Variants in ATP5F1A observed in about 807,000 individuals in gnomAD.
ATP5F1A encodes ATP synthase F(1) complex subunit alpha, mitochondrial.
Under a neutral mutation model 57.4 loss-of-function variants are expected in ATP5F1A, and 24 were observed. The observed-to-expected ratio is 0.42, with a 90% CI of 0.30 to 0.59. ATP5F1A has a LOEUF of 0.59. ATP5F1A is among the 20% of genes least tolerant of loss of function. The pLI, the probability that ATP5F1A is intolerant of heterozygous loss-of-function variation, is 0.19. For missense variants in ATP5F1A, 494 were observed against 707.9 expected (o/e 0.70, Z 3.43); for synonymous variants, 251 against 255.5 (o/e 0.98, Z 0.17).
At chr18:46,094,918 G>A in intron 2 of ATP5F1A, 135 bp downstream of exon 2, 1 of 1,269,366 alleles carries the variant, frequency 7.9e-7, no homozygotes, top group Non-Finnish European at 1.0e-6. Flanking sequence ...TAACAATATG[G>A]TTTAAGAACC....
At chr18:46,097,313 CAA>C (rs920316665) in intron 1 of ATP5F1A, among the ~76,000 whole-genome samples, 1 of 150,758 alleles carries the variant, frequency 6.6e-6, no homozygotes, top group Non-Finnish European at 1.5e-5. Context: ...ACTTTTAGAA[CAA>C]AAAAAAAGTG....
At chr18:46,095,190 A>G (rs1599787986) in intron 1 of ATP5F1A, 59 bp from the exon 2 acceptor site, 3 of 1,522,214 alleles carry the variant, frequency 2.0e-6, no homozygotes, top group Admixed American at 1.8e-5. Flanking sequence ...AAAACTTACA[A>G]GCTTAAACAA....
chr18:46,094,967 A>T, intron 2 of ATP5F1A, 86 bp downstream of exon 2: 1 of 1,431,102 alleles, frequency 7.0e-7, no homozygotes, highest in Non-Finnish European at 9.2e-7. Flanking sequence ...CTAACAAATG[A>T]AAAACAACTC....
intron 8 of ATP5F1A, 95 bp from the exon 9 acceptor site, chr18:46,086,589 A>C: frequency 8.4e-7 from 1 of 1,196,442 alleles, no homozygotes; most frequent in Non-Finnish European, 1.2e-6. Context: ...TGAAACTCAA[A>C]ACCTAACAAT....
In ATP5F1A at chr18:46,084,620, G is replaced by C. The variant is rs756369878; in HGVS notation, c.1464C>G (p.Ile488Met). ...CAAGATATCCCCTTACACCCGCATA[G>C]ATAACAGCCACTTGTTCTTCAATAG... ...PMAIEEQVAV[I>M]YAGVRGYLDK... Residue 488 changes from isoleucine to methionine, a missense_variant, in exon 11 of 12, where the codon ATC becomes ATG. Ile to Met is a conservative substitution (Grantham distance 10, BLOSUM62 1). Around this residue, in one of 6 missense-constraint regions of ATP5F1A, gnomAD observed 127 missense variants for 195.2 expected, o/e 0.65. Transcript: ENST00000398752. 8.1e-6 allele frequency: 13 copies of C among 1,596,196 alleles called. No individual in the cohort carries two copies.
At chr18:46,096,542 TC>T (rs1240274669) in intron 1 of ATP5F1A, among the ~76,000 whole-genome samples, 1 of 148,992 alleles carries the variant, frequency 6.7e-6, no homozygotes, top group Non-Finnish European at 1.5e-5. Flanking sequence ...AATGTAAGTG[TC>T]TTTCCCTTTA....
chr18:46,099,715 C>T (rs1349973012), upstream of ATP5F1A, among the ~76,000 whole-genome samples: 1 of 152,168 alleles, frequency 6.6e-6, no homozygotes, highest in Non-Finnish European at 1.5e-5. Flanking sequence ...CCTCCTCAGC[C>T]TCTGCGCTGG....
At position 46,087,503 on chromosome 18, in the gene ATP5F1A, A is replaced by G. The variant is rs376967228; in HGVS notation, c.800-11T>C. 9.3e-6 allele frequency: 15 copies of G among 1,608,140 alleles called. No individual in the cohort carries two copies. The highest frequency in any genetic ancestry group is 5.4e-5 in the African/African-American group (4 of 74,498). The stretch of plus-strand genomic sequence containing the variant: ...TGTACTTCATGGCATCTGAGAAAAT[A>G]TATTTTACAATTTTATCAATATTGT... On this transcript the variant is annotated splice_polypyrimidine_tract_variant and intron_variant, in intron 6 of 11. Coordinates refer to ENST00000398752, the MANE Select transcript of ATP5F1A (RefSeq NM_004046.6).
intron 3 of ATP5F1A, among the ~76,000 whole-genome samples, 186 bp downstream of exon 3, chr18:46,091,496 T>TA (rs1241318969): frequency 6.6e-6 from 1 of 152,100 alleles, no homozygotes; most frequent in African/African-American, 2.4e-5. Flanking sequence ...GTCCCTAGAG[T>TA]AAAAAAACTT....
In ATP5F1A at chr18:46,082,300, G is replaced by A. The variant is rs1468912102; in HGVS notation, c.*1982C>T. On this transcript the variant is annotated 3_prime_UTR_variant, in exon 12 of 12. Coordinates refer to ENST00000398752, the MANE Select transcript of ATP5F1A (RefSeq NM_004046.6). ...AGCTAATCGGGAGGCTGAGGCAGGAGAACGGCGCAAACCCAGGGGGCAGAG... is the reference window on the plus strand; with the variant it reads ...AGCTAATCGGGAGGCTGAGGCAGGAAAACGGCGCAAACCCAGGGGGCAGAG... The A allele has an allele frequency of 1.3e-5, 2 of 150,872 alleles. No homozygotes were observed. Among genetic ancestry groups the A allele is most frequent in the Admixed American group, 6.6e-5 (1 of 15,046 alleles). The allele number at this position is 150,872 out of a possible 1,614,324, so 9.3% of individuals were successfully genotyped here.
Position 46,086,423 on chromosome 18 carries a change from A to T in ATP5F1A, c.1248T>A (p.Arg416=). ...PAINVGLSVS[R]VGSAAQTRAM... is the part of the protein sequence containing the mutation. ...CCCTGGTTTGGGCAGCGGATCCGACACGAGATACAGACAGACCAACGTTAA... is the reference window on the plus strand; with the variant it reads ...CCCTGGTTTGGGCAGCGGATCCGACTCGAGATACAGACAGACCAACGTTAA... The change falls in exon 9 of 12, where the codon CGT becomes CGA. Residue 416 remains arginine (R), a synonymous_variant. Transcript: ENST00000398752. 6.2e-7 allele frequency: 1 copy of T among 1,614,192 alleles called. No individual in the cohort carries two copies. Among genetic ancestry groups the T allele is most frequent in the Non-Finnish European group, 8.5e-7 (1 of 1,180,042 alleles).
rs1910186450 is a variant in ATP5F1A, at chr18:46,087,391, TAAA to T, written c.898_900del (p.Phe300del). 1 of 1,614,096 alleles carries T rather than the reference TAAA, an allele frequency of 6.2e-7. No individual in the cohort carries two copies. The highest frequency in any genetic ancestry group is 8.5e-7 in the Non-Finnish European group (1 of 1,180,052). On this transcript the variant is annotated inframe_deletion, in exon 7 of 12. Coordinates refer to ENST00000398752, the MANE Select transcript of ATP5F1A (RefSeq NM_004046.6). Reference sequence around the variant, plus strand: ...ATCAAAGCATGTTTGCCATTGTCTCTAAAATACTCTCCCATGGAACAGCCAGAG... The same window carrying T: ...ATCAAAGCATGTTTGCCATTGTCTCTATACTCTCCCATGGAACAGCCAGAG...
rs1374728671 is a variant in ATP5F1A at position 46,084,015 on chromosome 18, G to C, written c.*267C>G. On this transcript the variant is annotated 3_prime_UTR_variant, in exon 12 of 12. Transcript: ENST00000398752. ...AAAAAACAAAAAAAAAACTTACAAA[G>C]AGCTCAGCCTTGAATTATCTAGCCC... 3 of 246,792 alleles carry C rather than the reference G, an allele frequency of 1.2e-5. No individual in the cohort carries two copies. The highest frequency in any genetic ancestry group is 2.2e-5 in the Non-Finnish European group (3 of 133,504). The allele number at this position is 246,792 out of a possible 1,614,324, so 15.3% of individuals were successfully genotyped here. A position where few individuals can be genotyped will look rare whatever the true frequency, so the allele number is the denominator to read the frequency against.
chr18:46,087,102 C>T lies in ATP5F1A; in HGVS notation c.1082G>A (p.Gly361Asp). The change falls in exon 8 of 12, where the codon GGT becomes GAT. Residue 361 changes from glycine (G) to aspartate (D), a missense_variant. Coordinates refer to ENST00000398752, the MANE Select transcript of ATP5F1A (RefSeq NM_004046.6). The part of the protein sequence containing the change: ...RAAKMNDAFG[G>D]GSLTALPVIE... ...GACTGGCAAAGCAGTCAAGGAGCCA[C>T]CACCAAAAGCATCGTTCATTTTGGC... The T allele has an allele frequency of 6.2e-7, 1 of 1,614,116 alleles. No homozygotes were observed. Among genetic ancestry groups the T allele is most frequent in the South Asian group, 1.1e-5 (1 of 91,086 alleles).
chr18:46,088,380 A>G, intron 5 of ATP5F1A, 123 bp from the exon 6 acceptor site: 2 of 943,364 alleles, frequency 2.1e-6, no homozygotes, highest in Non-Finnish European at 3.1e-6. Context: ...AAGAAACTCC[A>G]TTTTGTTCTG....
At chr18:46,085,979 T>C (rs1189251254) in intron 10 of ATP5F1A, 134 bp downstream of exon 10, 3 of 988,342 alleles carry the variant, frequency 3.0e-6, no homozygotes, top group African/African-American at 3.3e-5. Context: ...GTAGTTTAAG[T>C]AAAAGTGCCT....
intron 1 of ATP5F1A, among the ~76,000 whole-genome samples, chr18:46,095,464 G>A (rs372358211): frequency 6.6e-6 from 1 of 151,828 alleles, no homozygotes; most frequent in East Asian, 1.9e-4. Flanking sequence ...ACAGGGGTGC[G>A]CCACCTCCAC....
At chr18:46,102,396 T>C (rs1332438647), upstream of ATP5F1A, among the ~76,000 whole-genome samples, 1 of 151,954 alleles carries the variant, frequency 6.6e-6, no homozygotes, top group Non-Finnish European at 1.5e-5. Flanking sequence ...CAATCTCAGC[T>C]CACTGCAAAC....
At chr18:46,089,086 C>T (rs983463707) in intron 5 of ATP5F1A, among the ~76,000 whole-genome samples, 1 of 151,980 alleles carries the variant, frequency 6.6e-6, no homozygotes. Flanking sequence ...AGTCCTGCCA[C>T]ATCCCCCACA....
Sources: allele counts gnomAD v4.1 joint callset (sites outside exome capture counted in the v4.1 genomes callset), GRCh38; gene constraint gnomAD v4.1.1; regional missense constraint gnomAD v4.1.1; transcripts MANE v1.5; gene names NCBI Gene and HGNC (gene_info 2026-07-23, HGNC 2026-07-21).